ANKS1B: variants seen among roughly 807,000 people sequenced by gnomAD.
ANKS1B encodes the protein ankyrin repeat and sterile alpha motif domain-containing protein 1B.
Under a neutral mutation model 148.3 loss-of-function variants are expected in ANKS1B, and 36 were observed. The observed-to-expected ratio is 0.24, with a 90% CI of 0.19 to 0.32. ANKS1B has a LOEUF of 0.32. Ranked by LOEUF, ANKS1B falls within the 10% of genes least tolerant of loss-of-function variation. The pLI, the probability that ANKS1B is intolerant of heterozygous loss-of-function variation, is 1.00. For missense variants in ANKS1B, 1,157 were observed against 1,542.6 expected (o/e 0.75, Z 4.19); for synonymous variants, 542 against 560.8 (o/e 0.97, Z 0.47).
In ANKS1B at chr12:99,613,243, A is replaced by G. The variant is rs539990038; in HGVS notation, c.1272+41824T>C. 1.4e-4 allele frequency among the ~76,000 whole-genome samples: 21 copies of G among 152,276 alleles called. No homozygotes were observed. In the East Asian group the frequency reaches 3.7e-3, roughly 27 times the overall value. ...TGGAGAAAAAGAAATGCTTATACCA[A>G]CGCTGTTAGTAGCAGTGTAAATTAG... is the stretch of plus-strand genomic sequence containing the variant. On this transcript the variant is annotated intron_variant, in intron 9 of 26. Transcript: ENST00000683438.
chr12:99,252,364 C>T (rs1211792741), intron 12 of ANKS1B, among the ~76,000 whole-genome samples: 1 of 152,172 alleles, frequency 6.6e-6, no homozygotes, highest in Non-Finnish European at 1.5e-5. Context: ...TATTTCTGAA[C>T]ATGACAACAG....
At chr12:99,355,237 A>C (rs949473886) in intron 12 of ANKS1B, among the ~76,000 whole-genome samples, 2 of 152,112 alleles carry the variant, frequency 1.3e-5, no homozygotes, top group African/African-American at 4.8e-5. Context: ...CCATTTAATA[A>C]GGTGACTGTG....
intron 12 of ANKS1B, among the ~76,000 whole-genome samples, chr12:99,342,955 T>G (rs1456461111): frequency 1.3e-5 from 2 of 151,940 alleles, no homozygotes; most frequent in African/African-American, 4.8e-5. Context: ...TCAAGAATAC[T>G]ATAATTTATT....
intron 1 of ANKS1B, among the ~76,000 whole-genome samples, chr12:99,938,327 G>C (rs2094832036): frequency 6.6e-6 from 1 of 152,106 alleles, no homozygotes; most frequent in East Asian, 1.9e-4. Flanking sequence ...CAGCTGAAAT[G>C]AGCTTGAAAA....
chr12:99,580,706 T>C (rs2651211), intron 9 of ANKS1B, among the ~76,000 whole-genome samples: 60,391 of 151,920 alleles, frequency 0.4, 12,118 homozygotes, highest in South Asian at 0.48. Flanking sequence ...CTATAGTTAA[T>C]GATAATTTAT....
chr12:99,948,195 G>A (rs1368720281), intron 1 of ANKS1B, among the ~76,000 whole-genome samples: 2 of 151,988 alleles, frequency 1.3e-5, no homozygotes, highest in African/African-American at 2.4e-5. Flanking sequence ...CCTACCACAT[G>A]TACACATTTA....
At chr12:99,943,879 T>C (rs1447958053) in intron 1 of ANKS1B, among the ~76,000 whole-genome samples, 8 of 152,064 alleles carry the variant, frequency 5.3e-5, no homozygotes, top group Admixed American at 3.3e-4. Context: ...TAGGTATACA[T>C]ATGCCATGGT....
At chr12:99,109,836 G>C (rs1026914126) in intron 15 of ANKS1B, among the ~76,000 whole-genome samples, 1 of 152,070 alleles carries the variant, frequency 6.6e-6, no homozygotes, top group Non-Finnish European at 1.5e-5. Flanking sequence ...TCTTACAGTG[G>C]GGAAACAGTT....
At chr12:99,934,657 T>C (rs1397023485) in intron 1 of ANKS1B, among the ~76,000 whole-genome samples, 1 of 152,138 alleles carries the variant, frequency 6.6e-6, no homozygotes, top group Non-Finnish European at 1.5e-5. Flanking sequence ...CTCTTTTTCT[T>C]AGTCTGGCTA....
chr12:99,168,422 G>A (rs1328044925), intron 14 of ANKS1B, among the ~76,000 whole-genome samples: 2 of 151,862 alleles, frequency 1.3e-5, no homozygotes, highest in Admixed American at 1.3e-4. Context: ...AGGAGGTTGA[G>A]GCAGGAGAAT....
At chr12:99,909,704 C>T (rs933855886) in intron 1 of ANKS1B, among the ~76,000 whole-genome samples, 3 of 152,044 alleles carry the variant, frequency 2.0e-5, no homozygotes, top group Non-Finnish European at 2.9e-5. Flanking sequence ...CTCAAGATTG[C>T]TTTGCCTATT....
chr12:99,148,556 G>A lies in ANKS1B; in HGVS notation c.2526+5733C>T, dbSNP rs148044193. Among the ~76,000 whole-genome samples the A allele has an allele frequency of 3.2e-3, 494 of 152,102 alleles. 2 individuals are homozygous for A. Among genetic ancestry groups the A allele is most frequent in the African/African-American group, 0.011 (450 of 41,496 alleles). On this transcript the variant is annotated intron_variant, in intron 15 of 26. Coordinates refer to ENST00000683438, the MANE Select transcript of ANKS1B (RefSeq NM_001352186.2). Reference sequence around the variant, plus strand: ...AAGAACAATTAGTAGCTCTGCCAGCGCCAATATTGTACTTGCCTCTTTAAA... The same window carrying A: ...AAGAACAATTAGTAGCTCTGCCAGCACCAATATTGTACTTGCCTCTTTAAA...
At chr12:99,603,839 A>G (rs2097826860) in intron 9 of ANKS1B, among the ~76,000 whole-genome samples, 1 of 152,116 alleles carries the variant, frequency 6.6e-6, no homozygotes, top group Non-Finnish European at 1.5e-5. Context: ...TTTCCTCATC[A>G]GTTGATTCAG....
chr12:99,888,540 C>A (rs949894024), intron 1 of ANKS1B, among the ~76,000 whole-genome samples: 9 of 152,168 alleles, frequency 5.9e-5, no homozygotes, highest in Non-Finnish European at 1.5e-5. Context: ...CTTTAGAAAG[C>A]CACTACCAGA....
intron 12 of ANKS1B, among the ~76,000 whole-genome samples, chr12:99,355,617 C>A (rs953729008): frequency 1.3e-5 from 2 of 152,120 alleles, no homozygotes; most frequent in African/African-American, 4.8e-5. Context: ...TTCTCATTTA[C>A]ATTTGTCGTT....
chr12:99,064,829 C>T (rs910275740), intron 16 of ANKS1B, among the ~76,000 whole-genome samples: 2 of 152,048 alleles, frequency 1.3e-5, no homozygotes, highest in Non-Finnish European at 2.9e-5. Flanking sequence ...TTTTGTTGTA[C>T]CTCTCCCTGA....
At chr12:99,584,429 G>A (rs572180229) in intron 9 of ANKS1B, among the ~76,000 whole-genome samples, 23 of 152,054 alleles carry the variant, frequency 1.5e-4, no homozygotes, top group African/African-American at 4.1e-4. Context: ...GTGAAACTCC[G>A]TCTCAATGAA....
chr12:98,943,311 C>T (rs537906010), intron 17 of ANKS1B, among the ~76,000 whole-genome samples: 2 of 152,180 alleles, frequency 1.3e-5, no homozygotes, highest in African/African-American at 4.8e-5. Context: ...TTTGTATTTG[C>T]AATGTATGAT....
At chr12:99,810,184 A>G (rs1220027229) in intron 3 of ANKS1B, among the ~76,000 whole-genome samples, 1 of 152,046 alleles carries the variant, frequency 6.6e-6, no homozygotes, top group African/African-American at 2.4e-5. Context: ...TTAGTTTTAC[A>G]GAGCATGATT....
Sources: allele counts gnomAD v4.1 joint callset (sites outside exome capture counted in the v4.1 genomes callset), GRCh38; gene constraint gnomAD v4.1.1; transcripts MANE v1.5; gene names NCBI Gene and HGNC (gene_info 2026-07-23, HGNC 2026-07-21).